Variants in XIRP2 observed in about 807,000 individuals in gnomAD.
XIRP2 encodes the protein xin actin binding repeat containing 2.
Under a neutral mutation model 277.0 loss-of-function variants are expected in XIRP2, and 236 were observed. The ratio of observed to expected loss-of-function variants is 0.85; its 90% CI spans 0.77 to 0.95. XIRP2 has a LOEUF of 0.95. Ranked by LOEUF, XIRP2 falls within the 40% of genes least tolerant of loss-of-function variation. The probability of loss-of-function intolerance (pLI) is 0.00; values close to 1 mark genes in which losing one functional copy is unlikely to be tolerated. For synonymous variants in XIRP2, 1,490 were observed against 1,416.5 expected (o/e 1.05, Z -1.17); for missense variants, 4,640 against 4,157.5 (o/e 1.12, Z -3.19).
chr2:167,180,736 G>T (rs1276492285), intron 3 of XIRP2, among the ~76,000 whole-genome samples: 1 of 152,086 alleles, frequency 6.6e-6, no homozygotes, highest in Non-Finnish European at 1.5e-5. Context: ...TACCATTGTT[G>T]AGCAGTGCCT....
intron 2 of XIRP2, among the ~76,000 whole-genome samples, chr2:167,117,225 A>G (rs1029751859): frequency 6.6e-6 from 1 of 152,110 alleles, no homozygotes; most frequent in Non-Finnish European, 1.5e-5. Context: ...TTTCTTGGAC[A>G]TGTCCTACTT....
chr2:167,174,656 C>T (rs1213344400), intron 3 of XIRP2, among the ~76,000 whole-genome samples: 1 of 152,034 alleles, frequency 6.6e-6, no homozygotes, highest in Admixed American at 6.6e-5. Flanking sequence ...CTTCTGCTAG[C>T]TTTTGAATTT....
chr2:167,237,521 C>G (rs1368689147), intron 5 of XIRP2, among the ~76,000 whole-genome samples: 1 of 152,034 alleles, frequency 6.6e-6, no homozygotes, highest in Admixed American at 6.6e-5. Context: ...AACTAAAAGC[C>G]AGACTCTGCC....
chr2:167,161,972 C>A (rs531766098), intron 3 of XIRP2, among the ~76,000 whole-genome samples: 1 of 152,170 alleles, frequency 6.6e-6, no homozygotes, highest in Non-Finnish European at 1.5e-5. Flanking sequence ...TAAATCATCT[C>A]TCTCAAGTTC....
chr2:166,983,445 C>G (rs1686926001), intron 2 of XIRP2, among the ~76,000 whole-genome samples: 1 of 152,182 alleles, frequency 6.6e-6, no homozygotes, highest in Non-Finnish European at 1.5e-5. Context: ...TCCAGGTCAT[C>G]TCTGGGACTG....
At chr2:166,998,632 A>G (rs1168722019) in intron 2 of XIRP2, among the ~76,000 whole-genome samples, 1 of 152,128 alleles carries the variant, frequency 6.6e-6, no homozygotes, top group African/African-American at 2.4e-5. Context: ...GCGAGACTCC[A>G]TCTCAAAAAA....
In XIRP2 at chr2:167,250,867, A is replaced by G. The variant is rs1304572551; in HGVS notation, c.9475A>G (p.Met3159Val). The G allele has an allele frequency of 3.1e-6, 5 of 1,613,408 alleles. No individual in the cohort carries two copies. The highest frequency in any genetic ancestry group is 1.7e-4 in the Middle Eastern group (1 of 6,052). Residue 3159 changes from methionine to valine, a missense_variant, in exon 9 of 11, where the codon ATG (methionine) becomes GTG (valine). By Grantham distance (21) the Met-to-Val change is conservative. Coordinates refer to ENST00000409195, the MANE Select transcript of XIRP2 (RefSeq NM_152381.6). ...TGTTGAACCCCCACCAAGAAGGCCCATGTCGCAAAAATCTGAAATTCACAG... is the reference window on the plus strand; with the variant it reads ...TGTTGAACCCCCACCAAGAAGGCCCGTGTCGCAAAAATCTGAAATTCACAG... ...SYVEPPPRRP[M>V]SQKSEIHRAN... is the part of the protein sequence containing the mutation.
rs182497534 is a variant in XIRP2, at chr2:167,036,137, G to T, written c.409-99772G>T. Among the ~76,000 whole-genome samples the T allele has an allele frequency of 2.1e-4, 32 of 152,338 alleles. 1 individual carries two copies. Among genetic ancestry groups the T allele is most frequent in the Non-Finnish European group, 2.4e-4 (16 of 68,032 alleles). ...GGAGAACCTCTGCTAGGGCGGTGTG[G>T]AAGGGAAATATGAGGTTGGAGCCCC... On this transcript the variant is annotated intron_variant, in intron 2 of 10. Transcript: ENST00000409195.
At chr2:167,106,439 T>C (rs1690620503) in intron 2 of XIRP2, among the ~76,000 whole-genome samples, 1 of 151,790 alleles carries the variant, frequency 6.6e-6, no homozygotes. Flanking sequence ...CCCTTCTTCA[T>C]TGAACTGCTT....
chr2:167,226,034 G>T (rs550121477), intron 5 of XIRP2, among the ~76,000 whole-genome samples: 1 of 152,158 alleles, frequency 6.6e-6, no homozygotes, highest in Non-Finnish European at 1.5e-5. Flanking sequence ...GCAGAATTCA[G>T]ATGACTGAAA....
At chr2:167,110,337 AT>A (rs1690719410) in intron 2 of XIRP2, among the ~76,000 whole-genome samples, 1 of 152,092 alleles carries the variant, frequency 6.6e-6, no homozygotes, top group African/African-American at 2.4e-5. Context: ...TCTGGAGTTG[AT>A]TTTTGTATGT....
intron 3 of XIRP2, among the ~76,000 whole-genome samples, chr2:167,191,757 T>G (rs1693342169): frequency 6.6e-6 from 1 of 152,208 alleles, no homozygotes; most frequent in Admixed American, 6.5e-5. Context: ...GGCCTTCAAG[T>G]AGATCTTTGT....
chr2:167,251,677 A>G lies in XIRP2; in HGVS notation c.10285A>G (p.Ile3429Val), dbSNP rs1695508219. ...AGGCATGGATGCATTTGAGAGTCAA[A>G]TTGTTGAGTCGAAGATGAAAACCTC... ...FSGMDAFESQ[I>V]VESKMKTSSS... Residue 3429 changes from isoleucine (I) to valine (V), a missense_variant, in exon 9 of 11, where the codon ATT becomes GTT. By Grantham distance (29) the Ile-to-Val change is conservative. Coordinates refer to ENST00000409195, the MANE Select transcript of XIRP2 (RefSeq NM_152381.6). The G allele has an allele frequency of 6.2e-7, 1 of 1,613,306 alleles. No homozygotes were observed. Among genetic ancestry groups the G allele is most frequent in the Admixed American group, 1.7e-5 (1 of 59,926 alleles).
At chr2:167,038,390 C>T (rs1688572672) in intron 2 of XIRP2, among the ~76,000 whole-genome samples, 2 of 151,656 alleles carry the variant, frequency 1.3e-5, no homozygotes, top group East Asian at 2.0e-4. Context: ...TTAGTATATG[C>T]TTTATCTGTA....
At chr2:167,164,675 A>G (rs530768253) in intron 3 of XIRP2, among the ~76,000 whole-genome samples, 1 of 152,272 alleles carries the variant, frequency 6.6e-6, no homozygotes, top group South Asian at 2.1e-4. Context: ...TCATGCACAC[A>G]TTTTATTATA....
intron 2 of XIRP2, among the ~76,000 whole-genome samples, chr2:167,089,523 G>T (rs184322612): frequency 6.6e-6 from 1 of 152,092 alleles, no homozygotes; most frequent in Admixed American, 6.6e-5. Context: ...AATGTTGTGC[G>T]CATGAGGGTC....
chr2:167,185,626 T>G (rs1559011809), intron 3 of XIRP2, among the ~76,000 whole-genome samples: 1 of 152,200 alleles, frequency 6.6e-6, no homozygotes, highest in East Asian at 1.9e-4. Flanking sequence ...ATAAGCATCA[T>G]TAGCAACTAT....
chr2:167,132,850 C>T (rs984876263), intron 2 of XIRP2, among the ~76,000 whole-genome samples: 2 of 152,212 alleles, frequency 1.3e-5, no homozygotes, highest in African/African-American at 4.8e-5. Context: ...AGTTAATTCC[C>T]CCATTAAGAC....
At chr2:166,946,723 C>G (rs1435305970) in intron 2 of XIRP2, among the ~76,000 whole-genome samples, 1 of 151,782 alleles carries the variant, frequency 6.6e-6, no homozygotes, top group African/African-American at 2.4e-5. Context: ...TAAAGAAATA[C>G]AAATAAAATA....
Sources: allele counts gnomAD v4.1 joint callset (sites outside exome capture counted in the v4.1 genomes callset), GRCh38; gene constraint gnomAD v4.1.1; transcripts MANE v1.5; gene names NCBI Gene and HGNC (gene_info 2026-07-23, HGNC 2026-07-21).